Variants in SLC1A6 observed in about 807,000 individuals in gnomAD.
The protein encoded by SLC1A6 is excitatory amino acid transporter 4.
A neutral mutation model predicts 42.1 loss-of-function variants in SLC1A6; 15 were observed. The observed-to-expected ratio is 0.36, with a 90% confidence interval of 0.24 to 0.55. The LOEUF is 0.55. SLC1A6 is among the 20% of genes least tolerant of loss of function. SLC1A6 has a pLI of 0.88. For missense variants in SLC1A6, 542 were observed against 772.5 expected (o/e 0.70, Z 3.54); for synonymous variants, 317 against 319.7 (o/e 0.99, Z 0.09).
chr19:14,961,435 G>C (rs898985615), intron 6 of SLC1A6: 3 of 152,288 alleles, frequency 2.0e-5, no homozygotes, highest in Non-Finnish European at 2.9e-5. Context: ...AAATGTAGCT[G>C]AATAAATGTC....
intron 9 of SLC1A6, 95 bp from the exon 10 acceptor site, chr19:14,950,485 C>T: frequency 1.2e-6 from 1 of 854,714 alleles, no homozygotes; most frequent in South Asian, 2.0e-5. Flanking sequence ...GCCAGGGAGT[C>T]AGAGGGCTCC....
chr19:14,965,633 C>T (rs1211082297), intron 4 of SLC1A6, among the ~76,000 whole-genome samples: 2 of 152,016 alleles, frequency 1.3e-5, no homozygotes, highest in South Asian at 2.1e-4. Context: ...GTGGATCACT[C>T]GAGGCCAGGA....
At chr19:14,982,117 G>A (rs959893097), upstream of SLC1A6, among the ~76,000 whole-genome samples, 4 of 152,016 alleles carry the variant, frequency 2.6e-5, no homozygotes, top group Non-Finnish European at 4.4e-5. Context: ...AACTGTCACA[G>A]CCGAGAGGAG....
rs1555710423 is a variant in SLC1A6, at chr19:14,996,528, T to TTTCTTCTTGTTC, written c.6+13956_6+13957insGAACAAGAAGAA. ...CCTCCTCCTCCCTCTCCTCCTCCTC[T>TTTCTTCTTGTTC]TTCTTCTTCTTCTTCTTCTTCTTCT... On this transcript the variant is annotated intron_variant, in intron 1 of 8. Coordinates refer to the SLC1A6 transcript ENST00000430939. Among the ~76,000 whole-genome samples, 8 of 125,854 alleles carry TTTCTTCTTGTTC rather than the reference T, an allele frequency of 6.4e-5. No homozygotes were observed. In the Admixed American group the frequency reaches 6.7e-4, roughly 11 times the overall value. 82.6% of individuals were successfully genotyped at this position (125,854 alleles called of 152,430 possible).
intron 1 of SLC1A6, among the ~76,000 whole-genome samples, chr19:14,978,875 G>A (rs1453944270): frequency 6.6e-6 from 1 of 151,760 alleles, no homozygotes; most frequent in Non-Finnish European, 1.5e-5. Flanking sequence ...TCTTACAGAG[G>A]CAGTGACAGC....
intron 1 of SLC1A6, chr19:14,977,398 G>C (rs2045723310): frequency 6.6e-6 from 1 of 152,200 alleles, no homozygotes; most frequent in Non-Finnish European, 1.5e-5. Context: ...TTGGGACAGA[G>C]ATTGTACGGG....
intron 1 of SLC1A6, among the ~76,000 whole-genome samples, chr19:15,001,422 T>C (rs180894038): frequency 4.6e-5 from 7 of 152,122 alleles, no homozygotes; most frequent in Admixed American, 1.3e-4. Context: ...AATAAGAACA[T>C]TTCAGAGAGG....
At chr19:14,997,201 A>C (rs866427005) in intron 1 of SLC1A6, among the ~76,000 whole-genome samples, 1 of 152,200 alleles carries the variant, frequency 6.6e-6, no homozygotes, top group Non-Finnish European at 1.5e-5. Context: ...GCGAATCAGA[A>C]ACTCAAAAGA....
At chr19:15,009,760 TA>T (rs1217030699) in intron 1 of SLC1A6, among the ~76,000 whole-genome samples, 2 of 152,076 alleles carry the variant, frequency 1.3e-5, no homozygotes, top group Admixed American at 1.3e-4. Flanking sequence ...TCCATAAAAA[TA>T]AATTTTTTTT....
At position 14,950,215 on chromosome 19, in the gene SLC1A6, C is replaced by A. The variant is rs1307292132; in HGVS notation, c.1675G>T (p.Gly559Cys). ...GCCCCTCACATAGCACTCTCGTTGC[C>A]TCCCCGTCCCCGGGATGCCCCCTTC... ...QEKGASRGRG[G>C]NESAM is the part of the protein sequence containing the mutation. The change falls in exon 10 of 10, where the codon GGC becomes TGC. Residue 559 changes from glycine (G) to cysteine (C), a missense_variant. Gly to Cys is a radical substitution (Grantham distance 159, BLOSUM62 -3). Coordinates refer to ENST00000594383, the MANE Select transcript of SLC1A6 (RefSeq NM_005071.3). 2.5e-6 allele frequency: 4 copies of A among 1,582,492 alleles called. No homozygotes were observed. The highest frequency in any genetic ancestry group is 3.5e-6 in the Non-Finnish European group (4 of 1,159,230).
chr19:14,971,980 G>T (rs1410444718), intron 2 of SLC1A6, 106 bp from the exon 3 acceptor site: 1 of 1,057,104 alleles, frequency 9.5e-7, no homozygotes, highest in South Asian at 1.5e-5. Flanking sequence ...GTGAGGGAGA[G>T]AAATATCCTA....
chr19:14,955,473 G>A (rs12232794), intron 7 of SLC1A6, among the ~76,000 whole-genome samples: 4,168 of 151,498 alleles, frequency 0.028, 180 homozygotes, highest in East Asian at 0.22. Context: ...AAAATTAGCC[G>A]GGAGGACTGG....
Position 14,968,291 on chromosome 19 carries a change from A to G in SLC1A6, c.548+12T>C, listed in dbSNP as rs767426255. The G allele has an allele frequency of 1.3e-6, 2 of 1,598,124 alleles. No homozygotes were observed. The highest frequency in any genetic ancestry group is 1.1e-5 in the South Asian group (1 of 89,484). On this transcript the variant is annotated intron_variant, in intron 4 of 9. Transcript: ENST00000594383. ...TCAAATGTGTATATTGTGGTTTTTT[A>G]GGTTGGCACACCTGATCAGGTCCAT... is the stretch of plus-strand genomic sequence containing the variant.
At position 14,968,289 on chromosome 19, in the gene SLC1A6, T is replaced by C; in HGVS notation, c.548+14A>G. On this transcript the variant is annotated intron_variant, in intron 4 of 9. Coordinates refer to ENST00000594383, the MANE Select transcript of SLC1A6 (RefSeq NM_005071.3). ...TTTCAAATGTGTATATTGTGGTTTT[T>C]TAGGTTGGCACACCTGATCAGGTCC... The C allele has an allele frequency of 4.4e-6, 7 of 1,598,162 alleles. No homozygotes were observed. Among genetic ancestry groups the C allele is most frequent in the Non-Finnish European group, 6.0e-6 (7 of 1,168,984 alleles).
chr19:14,952,883 T>C (rs368530179), intron 9 of SLC1A6, 45 bp downstream of exon 9: 283 of 1,588,800 alleles, frequency 1.8e-4, no homozygotes, highest in Admixed American at 1.1e-3. Flanking sequence ...GAAAGCAGTG[T>C]GTGCAGAAGC....
chr19:14,969,778 G>A (rs1223739173), intron 3 of SLC1A6, among the ~76,000 whole-genome samples: 1 of 152,118 alleles, frequency 6.6e-6, no homozygotes, highest in Non-Finnish European at 1.5e-5. Context: ...CCGGCCCTCT[G>A]CCTGCTTTTG....
chr19:14,968,431 G>A lies in SLC1A6; in HGVS notation c.420C>T (p.Ile140=). 1 of 1,613,696 alleles carries A rather than the reference G, an allele frequency of 6.2e-7. No homozygotes were observed. Among genetic ancestry groups the A allele is most frequent in the Non-Finnish European group, 8.5e-7 (1 of 1,179,838 alleles). The change falls in exon 4 of 10, where the codon ATC becomes ATT. Residue 140 remains isoleucine, a synonymous_variant. Transcript: ENST00000594383. ...TGAGGATGCCGATGAAGACCGCGATGATGGTGGTCACCATGTAGTACACAG... is the reference window on the plus strand; with the variant it reads ...TGAGGATGCCGATGAAGACCGCGATAATGGTGGTCACCATGTAGTACACAG... The part of the protein sequence containing the change: ...RAAVYYMVTT[I]IAVFIGILMV...
intron 1 of SLC1A6, among the ~76,000 whole-genome samples, chr19:14,998,121 C>A (rs185911276): frequency 3.9e-4 from 60 of 152,178 alleles, no homozygotes; most frequent in African/African-American, 1.4e-3. Context: ...CCCCTCTTGG[C>A]CAAGGGCATT....
At chr19:15,010,615 G>A in exon 1 of SLC1A6, 1 of 637,108 alleles carries the variant, frequency 1.6e-6, no homozygotes, top group Non-Finnish European at 2.8e-6. Context: ...GAGTCAGGAT[G>A]CCAGTGCACT....
Sources: gnomAD v4.1 joint callset for allele counts (sites outside exome capture counted in the v4.1 genomes callset) on GRCh38, gnomAD v4.1.1 for gene constraint, MANE v1.5 for transcripts, NCBI Gene and HGNC (gene_info 2026-07-23, HGNC 2026-07-21) for gene names.